Variants in COP1 observed in about 807,000 individuals in gnomAD.
The protein encoded by COP1 is E3 ubiquitin-protein ligase COP1.
In COP1, 24 loss-of-function variants were observed where a neutral mutation model predicts 101.3. The observed-to-expected ratio is 0.24, with a 90% confidence interval of 0.17 to 0.33. The LOEUF is 0.33. Among genes scored for constraint, COP1 ranks in the 10% least tolerant of loss-of-function variants. COP1 has a pLI of 1.00. For synonymous variants in COP1, 347 were observed against 341.9 expected, an observed-to-expected ratio of 1.01 and a Z score of -0.17; for missense variants, 663 against 906.2, an observed-to-expected ratio of 0.73 and a Z score of 3.45.
At chr1:176,128,983 T>A (rs531057184) in intron 8 of COP1, among the ~76,000 whole-genome samples, 5 of 151,976 alleles carry the variant, frequency 3.3e-5, no homozygotes, top group African/African-American at 9.6e-5. Flanking sequence ...GTCCTCCATA[T>A]CCCTCCCAAG....
rs552326216 is a variant in COP1 at position 176,203,918 on chromosome 1, G to A, written c.407+2654C>T. ...GGTCCCTATCACCAGGGGAGCATATGCAAATTACACCACCCACCCCAGCCT... is the reference window on the plus strand; with the variant it reads ...GGTCCCTATCACCAGGGGAGCATATACAAATTACACCACCCACCCCAGCCT... On this transcript the variant is annotated intron_variant, in intron 1 of 19. Coordinates refer to ENST00000367669, the MANE Select transcript of COP1 (RefSeq NM_022457.7). 3.9e-5 allele frequency among the ~76,000 whole-genome samples: 6 copies of A among 152,300 alleles called. No homozygotes were observed. In the East Asian group the frequency reaches 1.2e-3, roughly 29 times the overall value.
chr1:176,118,276 A>G (rs1185007675), intron 8 of COP1, among the ~76,000 whole-genome samples: 1 of 152,212 alleles, frequency 6.6e-6, no homozygotes, highest in Non-Finnish European at 1.5e-5. Context: ...AGTTTCTTTT[A>G]TTAACAAAAT....
chr1:176,110,906 C>A (rs1685168859), intron 9 of COP1, among the ~76,000 whole-genome samples: 1 of 152,186 alleles, frequency 6.6e-6, no homozygotes, highest in Non-Finnish European at 1.5e-5. Context: ...GTAATCCCAG[C>A]ACTTTGGGAG....
intron 14 of COP1, 119 bp downstream of exon 14, chr1:176,043,067 C>A: frequency 1.5e-6 from 1 of 668,658 alleles, no homozygotes. Flanking sequence ...TAATAATAAT[C>A]AGTAATCACA....
intron 8 of COP1, among the ~76,000 whole-genome samples, chr1:176,120,705 T>A (rs1342997662): frequency 6.6e-6 from 1 of 152,194 alleles, no homozygotes. Context: ...CAAAGACGTA[T>A]TTCCTAACTA....
intron 9 of COP1, among the ~76,000 whole-genome samples, chr1:176,105,683 G>C (rs551202205): frequency 6.6e-6 from 1 of 152,156 alleles, no homozygotes; most frequent in Non-Finnish European, 1.5e-5. Context: ...CTATGCTATA[G>C]AATATATTAA....
intron 14 of COP1, among the ~76,000 whole-genome samples, chr1:176,038,615 C>T (rs895018838): frequency 1.3e-5 from 2 of 151,928 alleles, no homozygotes; most frequent in African/African-American, 4.8e-5. Context: ...GTCAAGAGTT[C>T]GAGACCAGCC....
At chr1:176,115,229 A>C (rs544325626) in intron 9 of COP1, among the ~76,000 whole-genome samples, 8 of 152,178 alleles carry the variant, frequency 5.3e-5, no homozygotes, top group African/African-American at 1.2e-4. Context: ...TGGGTAGATC[A>C]CCTGAGATCA....
intron 14 of COP1, among the ~76,000 whole-genome samples, chr1:176,032,876 T>C (rs1668863494): frequency 6.6e-6 from 1 of 152,078 alleles, no homozygotes; most frequent in Non-Finnish European, 1.5e-5. Flanking sequence ...CATAAGTCTT[T>C]AACATTTCAT....
At chr1:176,012,358 T>G (rs1435820629) in intron 15 of COP1, among the ~76,000 whole-genome samples, 1 of 152,144 alleles carries the variant, frequency 6.6e-6, no homozygotes, top group East Asian at 1.9e-4. Flanking sequence ...ACTCCTGAGC[T>G]CAAGTGATCC....
chr1:176,054,936 T>TA (rs1673192697), intron 11 of COP1, among the ~76,000 whole-genome samples: 1 of 152,232 alleles, frequency 6.6e-6, no homozygotes, highest in Non-Finnish European at 1.5e-5. Flanking sequence ...CCTCCACCTC[T>TA]GAAAATGCTG....
Position 176,076,000 on chromosome 1 carries a change from T to C in COP1, c.1277+5152A>G, listed in dbSNP as rs1181345083. Among the ~76,000 whole-genome samples the C allele has an allele frequency of 3.1e-4, 9 of 28,920 alleles. No individual in the cohort carries two copies. In the Admixed American group the frequency reaches 5.6e-3, roughly 18 times the overall value. The allele number at this position is 28,920 out of a possible 152,430, so 19.0% of individuals were successfully genotyped here. A position where few individuals can be genotyped will look rare whatever the true frequency, so the allele number is the denominator to read the frequency against. ...CCTGGGTAACAAGCGCAAAACTCCA[T>C]CTCAAAAAAAAAAAAAAAAAAAATA... is the stretch of plus-strand genomic sequence containing the variant. On this transcript the variant is annotated intron_variant, in intron 11 of 19. Coordinates refer to ENST00000367669, the MANE Select transcript of COP1 (RefSeq NM_022457.7).
At chr1:176,182,018 T>G (rs1370355184) in intron 2 of COP1, among the ~76,000 whole-genome samples, 2 of 152,154 alleles carry the variant, frequency 1.3e-5, no homozygotes, top group African/African-American at 4.8e-5. Context: ...ACATGAAGAT[T>G]ATAAATTTAT....
chr1:176,189,352 C>G (rs1340382571), intron 1 of COP1, among the ~76,000 whole-genome samples: 1 of 151,698 alleles, frequency 6.6e-6, no homozygotes, highest in East Asian at 1.9e-4. Flanking sequence ...TTCTGGCTTG[C>G]TTTCATTGTT....
intron 1 of COP1, among the ~76,000 whole-genome samples, chr1:176,189,642 C>G (rs1463614366): frequency 6.6e-6 from 1 of 151,180 alleles, no homozygotes; most frequent in Non-Finnish European, 1.5e-5. Flanking sequence ...CTAGGATGTA[C>G]ACAAATAAAG....
chr1:176,031,476 A>G (rs1382903199), intron 14 of COP1, among the ~76,000 whole-genome samples: 1 of 152,212 alleles, frequency 6.6e-6, no homozygotes, highest in Non-Finnish European at 1.5e-5. Context: ...TCCAAAATTT[A>G]AATTTCAGAA....
At chr1:176,169,450 A>G (rs1695702084) in intron 3 of COP1, among the ~76,000 whole-genome samples, 1 of 152,216 alleles carries the variant, frequency 6.6e-6, no homozygotes. Context: ...ATTTCTATAT[A>G]CAAAGCGTAC....
chr1:176,019,463 A>AAAT (rs34362717), intron 15 of COP1, among the ~76,000 whole-genome samples: 8,901 of 132,254 alleles, frequency 0.067, 317 homozygotes, highest in South Asian at 0.083. Flanking sequence ...ACTCCATCTC[A>AAAT]AATAATAATA....
At chr1:175,970,621 T>G (rs1250410938) in intron 18 of COP1, among the ~76,000 whole-genome samples, 1 of 152,168 alleles carries the variant, frequency 6.6e-6, no homozygotes, top group Non-Finnish European at 1.5e-5. Context: ...AATTTTGAAA[T>G]CTGAGTTACC....
Sources: allele counts gnomAD v4.1 joint callset (sites outside exome capture counted in the v4.1 genomes callset), GRCh38; gene constraint gnomAD v4.1.1; transcripts MANE v1.5; gene names NCBI Gene and HGNC (gene_info 2026-07-23, HGNC 2026-07-21).